HIVEP3: variants seen among roughly 807,000 people sequenced by gnomAD.
The protein encoded by HIVEP3 is transcription factor HIVEP3.
Under a neutral mutation model 152.8 loss-of-function variants are expected in HIVEP3, and 49 were observed. The observed-to-expected ratio is 0.32, with a 90% CI of 0.26 to 0.41. HIVEP3 has a LOEUF of 0.41. HIVEP3 is among the 10% of genes least tolerant of loss of function. The pLI is 1.00. For missense variants in HIVEP3, 2,790 were observed against 3,103.3 expected (o/e 0.90, Z 2.40); for synonymous variants, 1,269 against 1,289.0 (o/e 0.98, Z 0.33).
chr1:41,761,229 T>C (rs1052650151), intron 1 of HIVEP3, among the ~76,000 whole-genome samples: 1 of 152,154 alleles, frequency 6.6e-6, no homozygotes, highest in Non-Finnish European at 1.5e-5. Context: ...TATGTGTGTG[T>C]GCACATGTGA....
chr1:41,783,207 C>A (rs918343046), intron 1 of HIVEP3, among the ~76,000 whole-genome samples: 1 of 152,170 alleles, frequency 6.6e-6, no homozygotes, highest in African/African-American at 2.4e-5. Context: ...TTGGCAGAAG[C>A]TGGCACGGAC....
At chr1:41,865,888 C>A (rs368143526) in intron 1 of HIVEP3, among the ~76,000 whole-genome samples, 52 of 152,266 alleles carry the variant, frequency 3.4e-4, no homozygotes, top group South Asian at 8.3e-4. Flanking sequence ...GGAAAAAAAA[C>A]CACATAACAC....
chr1:41,658,919 C>T (rs1020973262), intron 2 of HIVEP3, among the ~76,000 whole-genome samples: 1 of 152,206 alleles, frequency 6.6e-6, no homozygotes, highest in African/African-American at 2.4e-5. Flanking sequence ...AACGGTAGAG[C>T]TAAGAGGGTC....
chr1:41,950,644 T>C (rs530506507), intron 1 of HIVEP3, among the ~76,000 whole-genome samples: 1 of 152,324 alleles, frequency 6.6e-6, no homozygotes, highest in South Asian at 2.1e-4. Flanking sequence ...AAGCATTTAC[T>C]TCTGACTTTG....
At chr1:41,642,986 T>C (rs572517976) in intron 2 of HIVEP3, among the ~76,000 whole-genome samples, 4 of 152,188 alleles carry the variant, frequency 2.6e-5, no homozygotes, top group Non-Finnish European at 2.9e-5. Context: ...GCCTCCACCT[T>C]CCATATGTCA....
At chr1:41,592,680 T>C (rs1644604776) in intron 3 of HIVEP3, among the ~76,000 whole-genome samples, 1 of 152,238 alleles carries the variant, frequency 6.6e-6, no homozygotes, top group South Asian at 2.1e-4. Flanking sequence ...GGAAGGATCC[T>C]GTGCTGGCCT....
At chr1:41,957,989 A>G (rs1399036193) in intron 1 of HIVEP3, among the ~76,000 whole-genome samples, 1 of 152,180 alleles carries the variant, frequency 6.6e-6, no homozygotes, top group East Asian at 1.9e-4. Context: ...AGTGTAGAAG[A>G]GGCAATGTGG....
chr1:41,976,943 C>A (rs1349749625), intron 1 of HIVEP3, among the ~76,000 whole-genome samples: 1 of 152,214 alleles, frequency 6.6e-6, no homozygotes, highest in East Asian at 1.9e-4. Context: ...CAGGACTGTG[C>A]AACCATACAC....
At chr1:41,794,303 T>G (rs1044364954) in intron 1 of HIVEP3, among the ~76,000 whole-genome samples, 1 of 152,126 alleles carries the variant, frequency 6.6e-6, no homozygotes, top group African/African-American at 2.4e-5. Context: ...GGGGGGAAAA[T>G]GCCCCCATGA....
chr1:41,547,621 C>T (rs1430481719), intron 5 of HIVEP3, among the ~76,000 whole-genome samples: 1 of 152,216 alleles, frequency 6.6e-6, no homozygotes, highest in Non-Finnish European at 1.5e-5. Flanking sequence ...GGGACCAGCA[C>T]AGACTCCTGC....
chr1:41,885,022 A>G (rs1037278561), intron 1 of HIVEP3, among the ~76,000 whole-genome samples: 44 of 152,330 alleles, frequency 2.9e-4, no homozygotes, highest in African/African-American at 1.0e-3. Context: ...AAAGGCATCC[A>G]GTACCCATGC....
chr1:41,562,822 C>T (rs1301465158), intron 5 of HIVEP3, among the ~76,000 whole-genome samples: 1 of 152,132 alleles, frequency 6.6e-6, no homozygotes, highest in Non-Finnish European at 1.5e-5. Context: ...ATCCCAGGAT[C>T]CCTCAAAGCC....
At chr1:41,739,748 T>C (rs1290371578) in intron 1 of HIVEP3, among the ~76,000 whole-genome samples, 3 of 152,226 alleles carry the variant, frequency 2.0e-5, no homozygotes, top group African/African-American at 4.8e-5. Flanking sequence ...AGGGTAATCA[T>C]GCCCACTTCA....
intron 1 of HIVEP3, among the ~76,000 whole-genome samples, chr1:41,746,903 C>T (rs968771356): frequency 6.6e-6 from 1 of 152,088 alleles, no homozygotes; most frequent in Non-Finnish European, 1.5e-5. Context: ...CTGGTTCCCT[C>T]GCAGGTGCAC....
At chr1:41,613,034 C>G (rs1214484084) in intron 3 of HIVEP3, among the ~76,000 whole-genome samples, 1 of 152,238 alleles carries the variant, frequency 6.6e-6, no homozygotes, top group Non-Finnish European at 1.5e-5. Context: ...TCCAAGGGAC[C>G]TGGACAGGGC....
At position 41,525,007 on chromosome 1, in the gene HIVEP3, G is replaced by A. The variant is rs548673555; in HGVS notation, c.5208-97C>T. On this transcript the variant is annotated intron_variant, in intron 5 of 8. Transcript: ENST00000372583. ...CGCGCTTCCTAGATTCATCCAGCCC[G>A]TTACAGACGCAAGGAATGGAGGCCA... 106 of 1,166,012 alleles carry A rather than the reference G, an allele frequency of 9.1e-5. 1 individual carries two copies. The East Asian group carries it at 1.4e-3, about 16-fold the overall frequency. The allele number at this position is 1,166,012 out of a possible 1,614,324, so 72.2% of individuals were successfully genotyped here.
intron 3 of HIVEP3, among the ~76,000 whole-genome samples, chr1:41,592,551 T>C (rs920700181): frequency 5.9e-5 from 9 of 152,216 alleles, no homozygotes; most frequent in Non-Finnish European, 2.9e-5. Context: ...CATCTAGTGA[T>C]ACCTGCTAAT....
chr1:41,847,347 TC>T (rs1643471444), intron 1 of HIVEP3: 1 of 152,242 alleles, frequency 6.6e-6, no homozygotes, highest in Non-Finnish European at 1.5e-5. Context: ...AGCTTGTTGC[TC>T]TAGAAAGTTG....
At chr1:41,515,416 G>A (rs181929058) in intron 7 of HIVEP3, among the ~76,000 whole-genome samples, 12 of 152,330 alleles carry the variant, frequency 7.9e-5, no homozygotes, top group Non-Finnish European at 1.3e-4. Context: ...GACCAGAGGA[G>A]GAATGAAGGA....
Sources: allele counts gnomAD v4.1 joint callset (sites outside exome capture counted in the v4.1 genomes callset), GRCh38; gene constraint gnomAD v4.1.1; transcripts MANE v1.5; gene names NCBI Gene and HGNC (gene_info 2026-07-23, HGNC 2026-07-21).